MYO5B: variants seen among roughly 807,000 people sequenced by gnomAD.
The protein encoded by MYO5B is unconventional myosin-Vb.
MYO5B carries 143 observed loss-of-function variants against 229.3 expected under a neutral mutation model. The observed-to-expected ratio is 0.62, with a 90% confidence interval of 0.54 to 0.72. The LOEUF is 0.72. Among genes scored for constraint, MYO5B ranks in the 30% least tolerant of loss-of-function variants. The probability of loss-of-function intolerance (pLI) is 0.00; values close to 1 mark genes in which losing one functional copy is unlikely to be tolerated. For synonymous variants in MYO5B, 918 were observed against 885.2 expected (o/e 1.04, Z -0.66); for missense variants, 2,321 against 2,331.0 (o/e 1.00, Z 0.09).
rs2032904819 is a variant in MYO5B at position 50,170,120 on chromosome 18, G to T, written c.27+24647C>A. 1.6e-5 allele frequency among the ~76,000 whole-genome samples: 2 copies of T among 127,516 alleles called. 1 individual carries two copies. The highest frequency in any genetic ancestry group is 3.3e-5 in the Non-Finnish European group (2 of 59,890). 83.7% of individuals were successfully genotyped at this position (127,516 alleles called of 152,430 possible). A position where few individuals can be genotyped will look rare whatever the true frequency, so the allele number is the denominator to read the frequency against. ...TGCTAATAGGAAAACCCACCAAAAA[G>T]TTAACAGAAAAGCTGTGACTTGCTG... On this transcript the variant is annotated intron_variant, in intron 1 of 39. Transcript: ENST00000285039.
chr18:50,144,847 C>T (rs2032474645), intron 1 of MYO5B, among the ~76,000 whole-genome samples: 1 of 152,128 alleles, frequency 6.6e-6, no homozygotes, highest in Non-Finnish European at 1.5e-5. Flanking sequence ...AAGATGAAGA[C>T]CACCCCTCCC....
At chr18:50,040,870 C>T (rs115576270) in intron 2 of MYO5B, among the ~76,000 whole-genome samples, 2,112 of 152,246 alleles carry the variant, frequency 0.014, 43 homozygotes, top group African/African-American at 0.047. Context: ...ATGTGCATAA[C>T]CAGGGAGTAG....
chr18:50,171,781 G>C (rs2032923218), intron 1 of MYO5B, among the ~76,000 whole-genome samples: 1 of 127,162 alleles, frequency 7.9e-6, no homozygotes, highest in Non-Finnish European at 1.7e-5. Context: ...AACCATAAAT[G>C]GTTATTGTTT....
rs372823131 is a variant in MYO5B at position 49,902,730 on chromosome 18, C to T, written c.2675G>A (p.Cys892Tyr). 188 of 1,610,162 alleles carry T rather than the reference C, an allele frequency of 1.2e-4. 2 individuals carry two copies. The South Asian group carries it at 2.0e-3, about 17-fold the overall frequency. The change falls in exon 21 of 40, where the codon TGT (cysteine) becomes TAT (tyrosine). Residue 892 changes from cysteine to tyrosine, a missense_variant. Coordinates refer to ENST00000285039, the MANE Select transcript of MYO5B (RefSeq NM_001080467.3). ...CCTGGCCTTGAGCATCCGGAAGGCA[C>T]ACTGGATGACAATGGCTGCATCCCG... ...RLRDAAIVIQ[C>Y]AFRMLKARRE...
intron 12 of MYO5B, among the ~76,000 whole-genome samples, chr18:49,961,258 T>C (rs2025555845): frequency 6.6e-6 from 1 of 152,206 alleles, no homozygotes; most frequent in South Asian, 2.1e-4. Context: ...AAACACTTGC[T>C]ACACTGAGAG....
rs549398649 is a variant in MYO5B, at chr18:49,906,884, C to T, written c.2203-254G>A. ...ATCATGGTGAGGGCAGACAGACAAG[C>T]AAATAAAGATGCTTTCCGTTTTCAG... On this transcript the variant is annotated intron_variant, in intron 18 of 39. Transcript: ENST00000285039. Among the ~76,000 whole-genome samples the T allele has an allele frequency of 6.6e-5, 10 of 151,580 alleles. No homozygotes were observed. In the South Asian group the frequency reaches 1.5e-3, roughly 22 times the overall value.
intron 2 of MYO5B, among the ~76,000 whole-genome samples, chr18:50,047,736 T>G (rs2030271714): frequency 6.6e-6 from 1 of 152,012 alleles, no homozygotes; most frequent in Non-Finnish European, 1.5e-5. Context: ...GTGGCACATA[T>G]ACACCATGGA....
chr18:50,174,817 A>G (rs917466944), intron 1 of MYO5B, among the ~76,000 whole-genome samples: 4 of 152,208 alleles, frequency 2.6e-5, no homozygotes, highest in African/African-American at 9.6e-5. Flanking sequence ...AATGCCTTAC[A>G]TAGGTGCTAG....
Position 49,929,604 on chromosome 18 carries a change from AAAG to A in MYO5B, c.2004-9_2004-7del. 6.8e-7 allele frequency: 1 copy of A among 1,463,918 alleles called. No homozygotes were observed. Among genetic ancestry groups the A allele is most frequent in the Non-Finnish European group, 9.0e-7 (1 of 1,112,790 alleles). 90.7% of individuals were successfully genotyped at this position (1,463,918 alleles called of 1,614,324 possible). ...CTGCTCTCTTTGGGTCAAAGCTGCC[AAAG>A]GAGAAAAAAAAAAAAAAAAGCAAGA... On this transcript the variant is annotated splice_polypyrimidine_tract_variant and splice_region_variant and intron_variant, in intron 16 of 39. Coordinates refer to ENST00000285039, the MANE Select transcript of MYO5B (RefSeq NM_001080467.3).
intron 17 of MYO5B, among the ~76,000 whole-genome samples, chr18:49,913,614 G>A (rs1346401572): frequency 6.6e-6 from 1 of 152,226 alleles, no homozygotes; most frequent in South Asian, 2.1e-4. Context: ...ACCTGATATG[G>A]ACAGGAGACA....
chr18:49,954,236 T>C (rs2025465848), intron 13 of MYO5B, 77 bp downstream of exon 13: 3 of 1,590,908 alleles, frequency 1.9e-6, no homozygotes, highest in African/African-American at 1.3e-5. Context: ...GACAGATTTC[T>C]CTCTAGGTCT....
At chr18:50,131,359 T>C (rs1417800972) in intron 1 of MYO5B, among the ~76,000 whole-genome samples, 3 of 152,164 alleles carry the variant, frequency 2.0e-5, no homozygotes, top group Non-Finnish European at 2.9e-5. Context: ...CCATGAGTCT[T>C]TGAGCACACC....
intron 22 of MYO5B, among the ~76,000 whole-genome samples, chr18:49,891,477 C>T (rs1350067907): frequency 1.3e-5 from 2 of 152,188 alleles, no homozygotes; most frequent in Non-Finnish European, 2.9e-5. Flanking sequence ...CACCATTCAC[C>T]TTTTGCCCCA....
chr18:50,034,010 A>G (rs1009255741), intron 4 of MYO5B, among the ~76,000 whole-genome samples: 6 of 152,216 alleles, frequency 3.9e-5, no homozygotes, highest in Non-Finnish European at 8.8e-5. Flanking sequence ...TTCCTGTGTG[A>G]GCCACATCAA....
In MYO5B at chr18:49,853,505, C is replaced by T. The variant is rs771492606; in HGVS notation, c.4165G>A (p.Ala1389Thr). 5 of 1,614,202 alleles carry T rather than the reference C, an allele frequency of 3.1e-6. No homozygotes were observed. Among genetic ancestry groups the T allele is most frequent in the South Asian group, 1.1e-5 (1 of 91,080 alleles). Residue 1389 changes from alanine (A) to threonine (T), a missense_variant, in exon 31 of 40, where the codon GCC becomes ACC. Around this residue, in one of 2 missense-constraint regions of MYO5B, gnomAD observed 2,113 missense variants for 2,044.7 expected, o/e 1.03. Transcript: ENST00000285039. The stretch of plus-strand genomic sequence containing the variant: ...TGCTGAACGCCGAATTCCACCTGGG[C>T]CTCTGGGGAGAGCAGTAGCGTCTGG... ...FCQTLLLSPE[A>T]QVEFGVQQEI...
intron 1 of MYO5B, among the ~76,000 whole-genome samples, chr18:50,165,269 G>A (rs1239530302): frequency 6.6e-6 from 1 of 152,142 alleles, no homozygotes; most frequent in Non-Finnish European, 1.5e-5. Context: ...GATCACTTGA[G>A]TCCAGGAGTT....
intron 5 of MYO5B, among the ~76,000 whole-genome samples, chr18:49,992,725 C>A (rs188586868): frequency 6.6e-6 from 1 of 152,288 alleles, no homozygotes; most frequent in East Asian, 1.9e-4. Flanking sequence ...CTTCTTCCTT[C>A]TTTCTTGCCT....
chr18:49,994,829 T>C (rs2025970063), intron 5 of MYO5B, among the ~76,000 whole-genome samples: 1 of 152,188 alleles, frequency 6.6e-6, no homozygotes, highest in Non-Finnish European at 1.5e-5. Context: ...CAATTTCTAC[T>C]TGAAAAATGG....
At chr18:50,124,190 CACTT>C (rs2032117189) in intron 1 of MYO5B, among the ~76,000 whole-genome samples, 1 of 152,246 alleles carries the variant, frequency 6.6e-6, no homozygotes, top group African/African-American at 2.4e-5. Context: ...AAGATGGCCT[CACTT>C]AAATTGGGTC....
Sources: allele counts gnomAD v4.1 joint callset (sites outside exome capture counted in the v4.1 genomes callset), GRCh38; gene constraint gnomAD v4.1.1; regional missense constraint gnomAD v4.1.1; transcripts MANE v1.5; gene names NCBI Gene and HGNC (gene_info 2026-07-23, HGNC 2026-07-21).